Variants in DAZAP2 observed in about 807,000 individuals in gnomAD.
DAZAP2 encodes the protein DAZ-associated protein 2.
DAZAP2 carries 3 observed loss-of-function variants against 16.2 expected under a neutral mutation model. The ratio of observed to expected loss-of-function variants is 0.19; its 90% CI spans 0.08 to 0.48. DAZAP2 has a LOEUF of 0.48. Ranked by LOEUF, DAZAP2 falls within the 20% of genes least tolerant of loss-of-function variation. DAZAP2 has a pLI of 0.98. For synonymous variants in DAZAP2, 69 were observed against 77.6 expected, an observed-to-expected ratio of 0.89 and a Z score of 0.58; for missense variants, 172 against 215.9, an observed-to-expected ratio of 0.80 and a Z score of 1.27.
intron 3 of DAZAP2, among the ~76,000 whole-genome samples, 165 bp downstream of exon 3, chr12:51,241,281 G>T (rs1237394710): frequency 6.6e-6 from 1 of 152,186 alleles, no homozygotes. Context: ...CAGAACTGTG[G>T]CAAGTGAGTA....
intron 3 of DAZAP2, 108 bp from the exon 4 acceptor site, chr12:51,242,222 G>A (rs1424839542): frequency 3.0e-5 from 43 of 1,450,340 alleles, no homozygotes; most frequent in East Asian, 1.2e-4. Flanking sequence ...TCCTTAAAAC[G>A]CAGCTGGTTA....
chr12:51,245,940 A>G (rs185079311), downstream of DAZAP2: 1 of 1,612,352 alleles, frequency 6.2e-7, no homozygotes, highest in East Asian at 2.2e-5. Flanking sequence ...CCTGGGAGTC[A>G]TTAGATGAAA....
downstream of DAZAP2, chr12:51,245,414 A>G (rs1013281813): frequency 6.5e-6 from 1 of 152,858 alleles, no homozygotes; most frequent in Non-Finnish European, 1.5e-5. Context: ...TTGTTGGGGA[A>G]CACGGAAAGG....
At position 51,240,803 on chromosome 12, in the gene DAZAP2, C is replaced by A; in HGVS notation, c.133-68C>A. The A allele has an allele frequency of 1.9e-6, 3 of 1,562,962 alleles. No individual in the cohort carries two copies. The South Asian group carries it at 3.5e-5, about 18-fold the overall frequency. On this transcript the variant is annotated intron_variant, in intron 2 of 3. Transcript: ENST00000412716. ...CTGCATAAGGAGAATTAAGAATTAG[C>A]TCATTAAAGAGATCTCAAATAGGAA...
At chr12:51,244,820 CT>C (rs5798164), downstream of DAZAP2, 98 of 92,068 alleles carry the variant, frequency 1.1e-3, no homozygotes, top group South Asian at 3.1e-3. Context: ...TCCCAGGGTA[CT>C]TTTTTTTTTT....
chr12:51,241,541 T>C (rs1284333188), intron 3 of DAZAP2, among the ~76,000 whole-genome samples: 1 of 152,200 alleles, frequency 6.6e-6, no homozygotes, highest in Non-Finnish European at 1.5e-5. Flanking sequence ...ACAATTTTAG[T>C]TATCATTTTT....
rs775193699 is a variant in DAZAP2, at chr12:51,238,930, G to A, written c.13+10G>A. 6.2e-7 allele frequency: 1 copy of A among 1,613,270 alleles called. No homozygotes were observed. Among genetic ancestry groups the A allele is most frequent in the Non-Finnish European group, 8.5e-7 (1 of 1,179,848 alleles). On this transcript the variant is annotated intron_variant, in intron 1 of 3. Coordinates refer to ENST00000412716, the MANE Select transcript of DAZAP2 (RefSeq NM_014764.4). ...ACCATGAACAGCAAAGGCAAGGACC[G>A]AGGGTGGCAGAGGCCGTCGGGGGGA... is the stretch of plus-strand genomic sequence containing the variant.
intron 1 of DAZAP2, 68 bp downstream of exon 1, chr12:51,238,988 C>T (rs1944605646): frequency 3.1e-6 from 5 of 1,594,092 alleles, no homozygotes; most frequent in Non-Finnish European, 4.3e-6. Context: ...GGATTCGGAG[C>T]CCAGGGTCAC....
chr12:51,242,801 C>T lies in DAZAP2; in HGVS notation c.*343C>T. The T allele has an allele frequency of 1.4e-6, 2 of 1,400,038 alleles. No individual in the cohort carries two copies. The highest frequency in any genetic ancestry group is 1.8e-6 in the Non-Finnish European group (2 of 1,084,460). The allele number at this position is 1,400,038 out of a possible 1,614,324, so 86.7% of individuals were successfully genotyped here. A position where few individuals can be genotyped will look rare whatever the true frequency, so the allele number is the denominator to read the frequency against. Reference sequence around the variant, plus strand: ...AACATCAAATTAGGTTTGGAGGGAACTTTGATCTTCCTAAGAATTAAAGTT... The same window carrying T: ...AACATCAAATTAGGTTTGGAGGGAATTTTGATCTTCCTAAGAATTAAAGTT... On this transcript the variant is annotated 3_prime_UTR_variant, in exon 4 of 4. Coordinates refer to ENST00000412716, the MANE Select transcript of DAZAP2 (RefSeq NM_014764.4).
Position 51,241,930 on chromosome 12 carries a change from TA to T in DAZAP2, c.379-386del, listed in dbSNP as rs397790864. On this transcript the variant is annotated intron_variant, in intron 3 of 3. Transcript: ENST00000412716. The stretch of plus-strand genomic sequence containing the variant: ...GAGCAAGACTCTATCTCAAAAAAAT[TA>T]AAAAAAAAAAAAATTAAAAATTAAA... Among the ~76,000 whole-genome samples, 386 of 141,918 alleles carry T rather than the reference TA, an allele frequency of 2.7e-3. 1 individual carries two copies. The highest frequency in any genetic ancestry group is 9.9e-3 in the East Asian group (49 of 4,950). The allele number at this position is 141,918 out of a possible 152,430, so 93.1% of individuals were successfully genotyped here.
chr12:51,242,286 T>C (rs1328923276), intron 3 of DAZAP2, 44 bp from the exon 4 acceptor site: 7 of 1,531,384 alleles, frequency 4.6e-6, no homozygotes, highest in East Asian at 4.5e-5. Flanking sequence ...CCTTCGCTTA[T>C]ATTAGCTGCC....
chr12:51,239,077 C>T (rs1332154511), intron 1 of DAZAP2, 157 bp downstream of exon 1: 2 of 1,063,692 alleles, frequency 1.9e-6, no homozygotes, highest in Non-Finnish European at 2.6e-6. Context: ...ACGCCTTCGT[C>T]ATACCCAAAT....
chr12:51,241,345 G>A (rs771481009), intron 3 of DAZAP2, among the ~76,000 whole-genome samples: 1 of 152,042 alleles, frequency 6.6e-6, no homozygotes, highest in Non-Finnish European at 1.5e-5. Flanking sequence ...TGTCTGTCGA[G>A]TCCTGCTTGC....
downstream of DAZAP2, chr12:51,246,122 TGGAAAG>T (rs752065963): frequency 3.7e-6 from 6 of 1,613,512 alleles, no homozygotes; most frequent in Non-Finnish European, 4.2e-6. Context: ...GATAACAACT[TGGAAAG>T]GAGAGGGAAA....
At position 51,243,377 on chromosome 12, in the gene DAZAP2, A is replaced by T; in HGVS notation, c.*919A>T. 6.1e-6 allele frequency: 6 copies of T among 985,774 alleles called. No individual in the cohort carries two copies. The highest frequency in any genetic ancestry group is 7.2e-6 in the Non-Finnish European group (6 of 829,938). 61.1% of individuals were successfully genotyped at this position (985,774 alleles called of 1,614,324 possible). ...GAGCTAAATTAAGAGGAGTTTTCAG[A>T]TCAAAAACTGGTTACCATTTTTTGT... is the stretch of plus-strand genomic sequence containing the variant. On this transcript the variant is annotated 3_prime_UTR_variant, in exon 4 of 4. Coordinates refer to ENST00000412716, the MANE Select transcript of DAZAP2 (RefSeq NM_014764.4).
chr12:51,246,322 T>C, downstream of DAZAP2: 1 of 651,862 alleles, frequency 1.5e-6, no homozygotes, highest in Non-Finnish European at 2.5e-6. Flanking sequence ...GTGCTTAAGC[T>C]AAGGACACAT....
chr12:51,242,678 CATTCATA>C lies in DAZAP2; in HGVS notation c.*222_*228del. Reference sequence around the variant, plus strand: ...AGCATTTTGAGGTAGGGGAGGTATCCATTCATAAAATGAATGTGGGTGAAGCCGCCCT... The same window carrying C: ...AGCATTTTGAGGTAGGGGAGGTATCCAAATGAATGTGGGTGAAGCCGCCCT... On this transcript the variant is annotated 3_prime_UTR_variant, in exon 4 of 4. Transcript: ENST00000412716. 2.0e-6 allele frequency: 3 copies of C among 1,513,718 alleles called. No individual in the cohort carries two copies. The highest frequency in any genetic ancestry group is 2.7e-6 in the Non-Finnish European group (3 of 1,129,842). 93.8% of individuals were successfully genotyped at this position (1,513,718 alleles called of 1,614,324 possible).
intron 3 of DAZAP2, 99 bp downstream of exon 3, chr12:51,241,215 C>A: frequency 6.6e-7 from 1 of 1,526,366 alleles, no homozygotes; most frequent in Non-Finnish European, 8.8e-7. Context: ...ATGATAGTTG[C>A]CAGTGTTGGT....
At chr12:51,245,120 C>G (rs747418565), downstream of DAZAP2, 1 of 152,018 alleles carries the variant, frequency 6.6e-6, no homozygotes, top group Non-Finnish European at 1.5e-5. Context: ...AGCCACCGAA[C>G]CCGGCCCTCC....
Sources: gnomAD v4.1 joint callset for allele counts (sites outside exome capture counted in the v4.1 genomes callset) on GRCh38, gnomAD v4.1.1 for gene constraint, MANE v1.5 for transcripts, NCBI Gene and HGNC (gene_info 2026-07-23, HGNC 2026-07-21) for gene names.